Variants in CDK11B observed in about 807,000 individuals in gnomAD.
CDK11B encodes the protein cyclin-dependent kinase 11B.
In CDK11B, 37 loss-of-function variants were observed where a neutral mutation model predicts 84.0. The observed-to-expected ratio is 0.44, with a 90% CI of 0.34 to 0.58. CDK11B has a LOEUF of 0.58. Among genes scored for constraint, CDK11B ranks in the 20% least tolerant of loss-of-function variants. The pLI is 0.02. For synonymous variants in CDK11B, 269 were observed against 309.8 expected (o/e 0.87, Z 1.38); for missense variants, 427 against 834.0 (o/e 0.51, Z 6.01).
Position 1,636,898 on chromosome 1 carries a change from T to C in CDK11B, c.1799A>G (p.Lys600Arg). The change falls in exon 16 of 20, where the codon AAG (lysine) becomes AGG (arginine). Residue 600 changes from lysine (K) to arginine (R), a missense_variant and splice_region_variant. Physicochemically the swap from Lys to Arg is conservative, Grantham distance 26. Around this residue, in one of 12 missense-constraint regions of CDK11B, gnomAD observed 170 missense variants for 196.0 expected, o/e 0.87. Transcript: ENST00000341832. ...YRAPELLLGA[K>R]EYSTAVDMWS... is the part of the protein sequence containing the mutation. ...GGCACTCAGACGCCCAGGACTCACC[T>C]TGGCACCAAGCAGCAGCTCTGGGGC... 6.2e-7 allele frequency: 1 copy of C among 1,607,070 alleles called. No homozygotes were observed. Among genetic ancestry groups the C allele is most frequent in the Non-Finnish European group, 8.5e-7 (1 of 1,175,564 alleles).
chr1:1,639,109 T>G (rs1176017275), intron 11 of CDK11B, among the ~76,000 whole-genome samples: 4 of 151,290 alleles, frequency 2.6e-5, no homozygotes, highest in African/African-American at 9.7e-5. Flanking sequence ...CCAGGCTAAT[T>G]TTTGTATTTT....
chr1:1,645,737 T>C (rs1269993751), intron 5 of CDK11B: 1 of 333,580 alleles, frequency 3.0e-6, no homozygotes, highest in Non-Finnish European at 5.8e-6. Context: ...GGTGTTTGCT[T>C]CATGGATTTT....
chr1:1,637,478 G>C lies in CDK11B; in HGVS notation c.1500C>G (p.Tyr500Ter). The change falls in exon 14 of 20, where the codon TAC becomes TAG. Residue 500 changes from tyrosine to a stop codon, truncating the protein, a stop_gained. Coordinates refer to ENST00000341832, the MANE Select transcript of CDK11B (RefSeq NM_033486.3). LOFTEE classifies it high-confidence loss of function. ...IVVGSNMDKI[Y>*]IVMNYVEHDL... ...CGTGCTCCACATAGTTCATCACGAT[G>C]TAGATCTTGTCCATGTTGCTGCCCA... 6.2e-7 allele frequency: 1 copy of C among 1,613,680 alleles called. No individual in the cohort carries two copies. Among genetic ancestry groups the C allele is most frequent in the Non-Finnish European group, 8.5e-7 (1 of 1,179,664 alleles).
At chr1:1,649,688 C>G in intron 4 of CDK11B, 51 bp from the exon 5 acceptor site, 1 of 1,592,686 alleles carries the variant, frequency 6.3e-7, no homozygotes, top group East Asian at 2.2e-5. Context: ...AAAAATTTCA[C>G]ATGAAGCCGG....
intron 5 of CDK11B, among the ~76,000 whole-genome samples, chr1:1,648,220 A>G (rs1174001353): frequency 6.6e-6 from 1 of 152,138 alleles, no homozygotes; most frequent in Non-Finnish European, 1.5e-5. Context: ...TCCTGTCTTT[A>G]CCTTCTGGGA....
intron 5 of CDK11B, 44 bp downstream of exon 5, chr1:1,649,447 ACACACTAC>A: frequency 7.6e-7 from 1 of 1,313,880 alleles, no homozygotes; most frequent in Non-Finnish European, 1.1e-6. Flanking sequence ...CTAGGATGGG[ACACACTAC>A]CACAGCCCTT....
intron 10 of CDK11B, 90 bp from the exon 11 acceptor site, chr1:1,640,542 C>G (rs1353805439): frequency 3.2e-6 from 5 of 1,567,086 alleles, no homozygotes; most frequent in East Asian, 4.7e-5. Flanking sequence ...CGTGGCAGGG[C>G]TGCCCCGTGT....
chr1:1,645,942 G>A (rs1641036593), intron 5 of CDK11B: 1 of 360,546 alleles, frequency 2.8e-6, no homozygotes, highest in South Asian at 2.1e-5. Context: ...GAGTTCAAGT[G>A]ATTCTCATAC....
In CDK11B at chr1:1,636,904, C is replaced by G; in HGVS notation, c.1793G>C (p.Gly598Ala). The stretch of plus-strand genomic sequence containing the variant: ...CAGACGCCCAGGACTCACCTTGGCA[C>G]CAAGCAGCAGCTCTGGGGCGCGGTA... Reference protein sequence around the residue: ...LWYRAPELLLGAKEYSTAVDM... With the variant: ...LWYRAPELLLAAKEYSTAVDM... Residue 598 changes from glycine to alanine, a missense_variant, in exon 16 of 20, where the codon GGT becomes GCT. Gly to Ala is a moderately conservative substitution (Grantham distance 60). Around this residue, in one of 12 missense-constraint regions of CDK11B, gnomAD observed 170 missense variants for 196.0 expected, o/e 0.87. Transcript: ENST00000341832. 1 of 1,606,276 alleles carries G rather than the reference C, an allele frequency of 6.2e-7. No individual in the cohort carries two copies. The highest frequency in any genetic ancestry group is 8.5e-7 in the Non-Finnish European group (1 of 1,175,112).
At chr1:1,654,297 G>C (rs1250610973) in intron 3 of CDK11B, 3 of 385,556 alleles carry the variant, frequency 7.8e-6, no homozygotes, top group Admixed American at 3.3e-5. Flanking sequence ...TTCCACACAG[G>C]GTCTTGCTCT....
In CDK11B at chr1:1,636,339, A is replaced by G. The variant is rs761155518; in HGVS notation, c.2060T>C (p.Met687Thr). The G allele has an allele frequency of 1.3e-6, 2 of 1,571,006 alleles. No homozygotes were observed. The highest frequency in any genetic ancestry group is 1.2e-5 in the South Asian group (1 of 85,962). Residue 687 changes from methionine to threonine, a missense_variant, in exon 18 of 20, where the codon ATG becomes ACG. By Grantham distance (81) the Met-to-Thr change is moderately conservative (BLOSUM62 -1). Transcript: ENST00000341832. ...CCGGCTGCACTGGGCTCACTTGTTC[A>G]TGAGGTCGAAGCCCTGGTCTGAGAG... ...ALLSDQGFDL[M>T]NKFLTYFPGR...
chr1:1,650,486 C>T (rs1266220562), intron 4 of CDK11B, among the ~76,000 whole-genome samples: 2 of 149,790 alleles, frequency 1.3e-5, no homozygotes, highest in Non-Finnish European at 1.5e-5. Flanking sequence ...CTGCCTCAGC[C>T]TCCCGAGTAG....
At chr1:1,648,164 G>A (rs1641418159) in intron 5 of CDK11B, among the ~76,000 whole-genome samples, 2 of 152,206 alleles carry the variant, frequency 1.3e-5, no homozygotes, top group African/African-American at 4.8e-5. Flanking sequence ...GATCTGAATC[G>A]GCCCTACCCA....
At chr1:1,637,042 C>A in intron 15 of CDK11B, 38 bp from the exon 16 acceptor site, 1 of 1,613,262 alleles carries the variant, frequency 6.2e-7, no homozygotes, top group Non-Finnish European at 8.5e-7. Context: ...TGGGCCCCGG[C>A]AGGTCTCCCT....
chr1:1,637,344 C>G lies in CDK11B; in HGVS notation c.1570+64G>C, dbSNP rs539600163. 1.6e-4 allele frequency: 255 copies of G among 1,581,470 alleles called. 1 individual carries two copies. Among genetic ancestry groups the G allele is most frequent in the Non-Finnish European group, 2.0e-4 (232 of 1,163,368 alleles). On this transcript the variant is annotated intron_variant, in intron 14 of 19. Coordinates refer to ENST00000341832, the MANE Select transcript of CDK11B (RefSeq NM_033486.3). ...CTGGCCCTCCCTGCAGCACTGTCAC[C>G]GCGGGGGTGACCAGGACCCTGCCCC...
intron 5 of CDK11B, among the ~76,000 whole-genome samples, chr1:1,647,229 T>C (rs538798164): frequency 6.6e-6 from 1 of 152,384 alleles, no homozygotes; most frequent in Admixed American, 6.5e-5. Context: ...TTTACTAAAT[T>C]CAACATCTGG....
At chr1:1,649,166 C>T (rs1333303640) in intron 5 of CDK11B, among the ~76,000 whole-genome samples, 12 of 152,126 alleles carry the variant, frequency 7.9e-5, no homozygotes, top group Admixed American at 1.3e-4. Context: ...GTGGCGGGAT[C>T]TCAGCTCAAT....
At chr1:1,644,917 C>G (rs565727707) in intron 6 of CDK11B, among the ~76,000 whole-genome samples, 2 of 147,010 alleles carry the variant, frequency 1.4e-5, no homozygotes, top group East Asian at 2.0e-4. Flanking sequence ...CACTTGAACC[C>G]GGGAGGCAGA....
intron 5 of CDK11B, 23 bp downstream of exon 5, chr1:1,649,476 C>T: frequency 6.5e-7 from 1 of 1,530,592 alleles, no homozygotes. Context: ...TTATAAAGTC[C>T]TCAACTGACC....
Sources: allele counts gnomAD v4.1 joint callset (sites outside exome capture counted in the v4.1 genomes callset), GRCh38; gene constraint gnomAD v4.1.1; regional missense constraint gnomAD v4.1.1; transcripts MANE v1.5; gene names NCBI Gene and HGNC (gene_info 2026-07-23, HGNC 2026-07-21).